Variants in MSRB3 observed in about 807,000 individuals in gnomAD.
MSRB3 encodes the protein methionine sulfoxide reductase B3, also known as methionine-R-sulfoxide reductase B3.
In MSRB3, 13 loss-of-function variants were observed where a neutral mutation model predicts 21.0. That is an observed-to-expected ratio of 0.62 (90% confidence interval 0.40 to 0.98). The LOEUF is 0.98. Among genes scored for constraint, MSRB3 ranks in the 50% least tolerant of loss-of-function variants. The pLI is 0.00. For missense variants in MSRB3, 199 were observed against 230.3 expected (o/e 0.86, Z 0.88); for synonymous variants, 87 against 88.6 (o/e 0.98, Z 0.10).
At chr12:65,409,811 T>A (rs767696894) in intron 5 of MSRB3, among the ~76,000 whole-genome samples, 54 of 152,206 alleles carry the variant, frequency 3.5e-4, no homozygotes, top group Non-Finnish European at 5.3e-4. Flanking sequence ...TAGTAAGTCA[T>A]CTACTTGAGC....
chr12:65,418,568 T>C (rs1881103036), intron 5 of MSRB3, among the ~76,000 whole-genome samples: 1 of 152,166 alleles, frequency 6.6e-6, no homozygotes, highest in South Asian at 2.1e-4. Flanking sequence ...ATTGCCCAGA[T>C]CAATGTCATG....
At chr12:65,418,974 C>T (rs1288435648) in intron 5 of MSRB3, 7 of 708,546 alleles carry the variant, frequency 9.9e-6, no homozygotes, top group Admixed American at 2.0e-5. Flanking sequence ...GTGTCAACTC[C>T]AACTCCAGGT....
At chr12:65,348,684 G>A (rs1592549627) in intron 4 of MSRB3, among the ~76,000 whole-genome samples, 3 of 152,120 alleles carry the variant, frequency 2.0e-5, no homozygotes, top group Non-Finnish European at 4.4e-5. Flanking sequence ...ACGTTAGGGT[G>A]TCAATTTTAA....
At chr12:65,350,587 C>A (rs1592552295) in intron 4 of MSRB3, among the ~76,000 whole-genome samples, 1 of 150,446 alleles carries the variant, frequency 6.6e-6, no homozygotes, top group Admixed American at 6.6e-5. Context: ...CAGAGACACA[C>A]ATAGGCTCAA....
At chr12:65,346,630 T>C (rs1876526513) in intron 4 of MSRB3, among the ~76,000 whole-genome samples, 1 of 152,188 alleles carries the variant, frequency 6.6e-6, no homozygotes, top group African/African-American at 2.4e-5. Context: ...TTGCCATTGC[T>C]TTTGGTGTTT....
intron 2 of MSRB3, among the ~76,000 whole-genome samples, 166 bp from the exon 3 acceptor site, chr12:65,326,660 G>A (rs994386957): frequency 4.6e-5 from 7 of 152,142 alleles, no homozygotes; most frequent in East Asian, 1.9e-4. Context: ...CATTTTAAAC[G>A]TAGAGAAATA....
intron 4 of MSRB3, among the ~76,000 whole-genome samples, chr12:65,366,680 A>C (rs1330421315): frequency 6.6e-6 from 1 of 152,194 alleles, no homozygotes; most frequent in East Asian, 1.9e-4. Flanking sequence ...ATCATTTTTG[A>C]TGAGTGCCAT....
intron 5 of MSRB3, among the ~76,000 whole-genome samples, chr12:65,436,600 GT>G (rs1251647267): frequency 6.6e-6 from 1 of 151,708 alleles, no homozygotes; most frequent in East Asian, 1.9e-4. Flanking sequence ...CATTTCTAGA[GT>G]TTTTTAATTC....
At chr12:65,291,789 A>G (rs1404938462) in intron 1 of MSRB3, among the ~76,000 whole-genome samples, 1 of 152,222 alleles carries the variant, frequency 6.6e-6, no homozygotes, top group African/African-American at 2.4e-5. Flanking sequence ...AGGGCAAAGA[A>G]GAAGACCAGA....
chr12:65,356,908 A>G (rs904962934), intron 4 of MSRB3, among the ~76,000 whole-genome samples: 8 of 151,914 alleles, frequency 5.3e-5, no homozygotes, highest in South Asian at 2.1e-4. Flanking sequence ...GTTATATACT[A>G]TTCTATTATA....
At chr12:65,364,203 T>C (rs1877873327) in intron 4 of MSRB3, among the ~76,000 whole-genome samples, 1 of 152,162 alleles carries the variant, frequency 6.6e-6, no homozygotes, top group Non-Finnish European at 1.5e-5. Context: ...ATAACTCAGA[T>C]GTTATCACCT....
At chr12:65,328,078 A>G (rs1441332860) in intron 3 of MSRB3, among the ~76,000 whole-genome samples, 1 of 152,194 alleles carries the variant, frequency 6.6e-6, no homozygotes, top group Non-Finnish European at 1.5e-5. Flanking sequence ...AAGATTGTTA[A>G]CTTAGAAAAA....
At position 65,463,990 on chromosome 12, in the gene MSRB3, G is replaced by A. The variant is rs978206151; in HGVS notation, c.*668G>A. The stretch of plus-strand genomic sequence containing the variant: ...TATTTTATTTTCCATCGAAAGCATT[G>A]GAGGCCCAGTGCAATGGCTCACGCC... On this transcript the variant is annotated 3_prime_UTR_variant, in exon 7 of 7. Coordinates refer to ENST00000308259, the MANE Select transcript of MSRB3 (RefSeq NM_001031679.3). The A allele has an allele frequency of 1.3e-5, 2 of 152,446 alleles. No homozygotes were observed. The highest frequency in any genetic ancestry group is 2.9e-5 in the Non-Finnish European group (2 of 68,256). The allele number at this position is 152,446 out of a possible 1,614,324, so 9.4% of individuals were successfully genotyped here.
intron 1 of MSRB3, among the ~76,000 whole-genome samples, chr12:65,289,826 A>C (rs1247221372): frequency 1.3e-5 from 2 of 152,096 alleles, no homozygotes; most frequent in Non-Finnish European, 2.9e-5. Context: ...TTTGTTTAGG[A>C]TTATGGTCTC....
chr12:65,399,081 G>C (rs935513101), intron 5 of MSRB3, among the ~76,000 whole-genome samples: 3 of 152,104 alleles, frequency 2.0e-5, no homozygotes, highest in African/African-American at 7.2e-5. Flanking sequence ...GATTGTCTTG[G>C]CTATAGGGCT....
intron 6 of MSRB3, among the ~76,000 whole-genome samples, chr12:65,461,723 A>G (rs1883340803): frequency 6.6e-6 from 1 of 152,172 alleles, no homozygotes; most frequent in South Asian, 2.1e-4. Flanking sequence ...TTGTGAATTC[A>G]TACTCTTTCC....
At chr12:65,420,426 T>G (rs902124853) in intron 5 of MSRB3, among the ~76,000 whole-genome samples, 1 of 152,040 alleles carries the variant, frequency 6.6e-6, no homozygotes, top group African/African-American at 2.4e-5. Context: ...TATTTCTGTT[T>G]AATATGTCAC....
chr12:65,335,386 G>C (rs1875697109), intron 4 of MSRB3, among the ~76,000 whole-genome samples: 1 of 152,290 alleles, frequency 6.6e-6, no homozygotes, highest in African/African-American at 2.4e-5. Flanking sequence ...CTGCAAGACT[G>C]TTCACACATG....
Position 65,464,383 on chromosome 12 carries a change from C to T in MSRB3, c.*1061C>T, listed in dbSNP as rs1039198238. The T allele has an allele frequency of 2.6e-5, 4 of 152,330 alleles. No individual in the cohort carries two copies. Among genetic ancestry groups the T allele is most frequent in the Admixed American group, 6.6e-5 (1 of 15,266 alleles). 9.4% of individuals were successfully genotyped at this position (152,330 alleles called of 1,614,324 possible). A position where few individuals can be genotyped will look rare whatever the true frequency, so the allele number is the denominator to read the frequency against. ...AGGAGAATCGCTTGAACTTGGGAGG[C>T]GGAGGTTGCAGTGAGCTGAGCTCAT... On this transcript the variant is annotated 3_prime_UTR_variant, in exon 7 of 7. Coordinates refer to ENST00000308259, the MANE Select transcript of MSRB3 (RefSeq NM_001031679.3).
Sources: gnomAD v4.1 joint callset for allele counts (sites outside exome capture counted in the v4.1 genomes callset) on GRCh38, gnomAD v4.1.1 for gene constraint, MANE v1.5 for transcripts, NCBI Gene and HGNC (gene_info 2026-07-23, HGNC 2026-07-21) for gene names.